The following ALDH3A2 variants were observed in gnomAD, a reference collection of about 807,000 sequenced individuals.
The protein encoded by ALDH3A2 is aldehyde dehydrogenase family 3 member A2.
Under a neutral mutation model 51.3 loss-of-function variants are expected in ALDH3A2, and 36 were observed. That is an observed-to-expected ratio of 0.70 (90% CI 0.54 to 0.93). The LOEUF (loss-of-function observed/expected upper bound fraction) is 0.93. Ranked by LOEUF, ALDH3A2 falls within the 40% of genes least tolerant of loss-of-function variation. ALDH3A2 has a pLI of 0.00. For missense variants in ALDH3A2, 552 were observed against 603.1 expected, an observed-to-expected ratio of 0.92 and a Z score of 0.89; for synonymous variants, 199 against 219.8, an observed-to-expected ratio of 0.91 and a Z score of 0.84.
chr17:19,665,175 T>C, intron 8 of ALDH3A2, 128 bp downstream of exon 8: 1 of 690,158 alleles, frequency 1.4e-6, no homozygotes, highest in Non-Finnish European at 2.3e-6. Context: ...AGGGAGACCT[T>C]TTCCTGGTCA....
Position 19,665,025 on chromosome 17 carries a change from C to G in ALDH3A2, c.1185C>G (p.Asn395Lys). The G allele has an allele frequency of 7.4e-6, 12 of 1,614,024 alleles. No individual in the cohort carries two copies. The highest frequency in any genetic ancestry group is 1.0e-5 in the Non-Finnish European group (12 of 1,179,898). ...GNDVIMHFTL[N>K]SFPFGGVGSS... Reference sequence around the variant, plus strand: ...ACGTCATTATGCACTTCACGCTCAACTCTTTCCCATTTGGAGGAGTGGGTG... The same window carrying G: ...ACGTCATTATGCACTTCACGCTCAAGTCTTTCCCATTTGGAGGAGTGGGTG... The change falls in exon 8 of 10, where the codon AAC becomes AAG. Residue 395 changes from asparagine (N) to lysine (K), a missense_variant. Physicochemically the swap from Asn to Lys is moderately conservative, Grantham distance 94. Transcript: ENST00000176643.
chr17:19,657,941 A>G lies in ALDH3A2; in HGVS notation c.798+79A>G, dbSNP rs576881049. ...TTAACTATTCGCAGGCAGCATCCCC[A>G]TTTGTTTCTCCCTTCAGGAAAATTT... On this transcript the variant is annotated intron_variant, in intron 5 of 9. Coordinates refer to ENST00000176643, the MANE Select transcript of ALDH3A2 (RefSeq NM_000382.3). 5.2e-6 allele frequency: 6 copies of G among 1,163,554 alleles called. No homozygotes were observed. The East Asian group carries it at 1.2e-4, about 24-fold the overall frequency. The allele number at this position is 1,163,554 out of a possible 1,614,324, so 72.1% of individuals were successfully genotyped here.
At chr17:19,671,675 G>T in intron 8 of ALDH3A2, 46 bp from the exon 9 acceptor site, 1 of 1,525,496 alleles carries the variant, frequency 6.6e-7, no homozygotes, top group Non-Finnish European at 9.1e-7. Context: ...GAAGTAGCTT[G>T]CATCATCTAC....
rs188396842 is a variant in ALDH3A2, at chr17:19,669,772, T to C, written c.1208-1949T>C. The stretch of plus-strand genomic sequence containing the variant: ...GCCTCAGCCTCCTGAATAGCTGGGA[T>C]TACAAGGGTGCACCACCATGCCTGG... On this transcript the variant is annotated intron_variant, in intron 8 of 9. Coordinates refer to ENST00000176643, the MANE Select transcript of ALDH3A2 (RefSeq NM_000382.3). Among the ~76,000 whole-genome samples the C allele has an allele frequency of 8.8e-3, 1,342 of 152,166 alleles. 43 individuals carry two copies. The highest frequency in any genetic ancestry group is 6.6e-3 in the Non-Finnish European group (451 of 68,012).
intron 9 of ALDH3A2, chr17:19,673,352 T>G (rs1451744974): frequency 1.5e-6 from 2 of 1,372,052 alleles, no homozygotes; most frequent in African/African-American, 3.6e-5. Context: ...TTTGGTTTGT[T>G]TTTGTTTTTG....
Position 19,654,804 on chromosome 17 carries a change from A to G in ALDH3A2, c.472-1562A>G, listed in dbSNP as rs2084872995. On this transcript the variant is annotated intron_variant, in intron 3 of 9. Transcript: ENST00000176643. The surrounding 1 kb of genome is among the most constrained non-coding windows in gnomAD (Gnocchi z 4.5). Reference sequence around the variant, plus strand: ...GCTGAAGGGCTCCTCAAGCGTGGCGAGAGTGGGTGCCAAGGCCAAGGAGGT... The same window carrying G: ...GCTGAAGGGCTCCTCAAGCGTGGCGGGAGTGGGTGCCAAGGCCAAGGAGGT... 6.6e-6 allele frequency among the ~76,000 whole-genome samples: 1 copy of G among 152,136 alleles called. No individual in the cohort carries two copies. Among genetic ancestry groups the G allele is most frequent in the African/African-American group, 2.4e-5 (1 of 41,438 alleles).
At chr17:19,673,288 TG>T (rs1329170466) in intron 9 of ALDH3A2, 1 of 1,613,622 alleles carries the variant, frequency 6.2e-7, no homozygotes, top group East Asian at 2.2e-5. Flanking sequence ...AGGAACTTTT[TG>T]TTTTCTTTCT....
chr17:19,661,163 T>A lies in ALDH3A2; in HGVS notation c.835T>A (p.Tyr279Asn), dbSNP rs72547570. Residue 279 changes from tyrosine (Y) to asparagine (N), a missense_variant, in exon 6 of 10, where the codon TAT becomes AAT. Transcript: ENST00000176643. The part of the protein sequence containing the change: ...YGENIKESPD[Y>N]ERIINLRHFK... ...AGAAAATATAAAAGAGTCTCCTGAT[T>A]ATGAAAGGATCATCAATCTTCGTCA... The A allele has an allele frequency of 2.5e-6, 4 of 1,612,794 alleles. No individual in the cohort carries two copies. Among genetic ancestry groups the A allele is most frequent in the Non-Finnish European group, 3.4e-6 (4 of 1,178,782 alleles).
At chr17:19,664,037 A>G (rs1407522195) in intron 7 of ALDH3A2, among the ~76,000 whole-genome samples, 1 of 152,200 alleles carries the variant, frequency 6.6e-6, no homozygotes, top group African/African-American at 2.4e-5. Context: ...TCATGTCACT[A>G]GGTGACCAGC....
chr17:19,659,206 G>C (rs2084936059), intron 5 of ALDH3A2, among the ~76,000 whole-genome samples: 1 of 152,124 alleles, frequency 6.6e-6, no homozygotes, highest in Non-Finnish European at 1.5e-5. Context: ...ACTCCAGCCT[G>C]GGTAACGGAA....
rs1034389336 is a variant in ALDH3A2, at chr17:19,676,984, T to C, written c.*1412T>C. 1.3e-5 allele frequency: 2 copies of C among 152,176 alleles called. No individual in the cohort carries two copies. Among genetic ancestry groups the C allele is most frequent in the African/African-American group, 4.8e-5 (2 of 41,428 alleles). The allele number at this position is 152,176 out of a possible 1,614,324, so 9.4% of individuals were successfully genotyped here. A position where few individuals can be genotyped will look rare whatever the true frequency, so the allele number is the denominator to read the frequency against. ...CTGCGGTTGGTCATACTGAAGGGAA[T>C]TGATGGCAAGAGGATCCCCTGAGCA... is the stretch of plus-strand genomic sequence containing the variant. On this transcript the variant is annotated 3_prime_UTR_variant, in exon 10 of 10. Transcript: ENST00000176643.
At chr17:19,666,778 AAAATAAATAAATAAATAAATAAAT>A (rs150864433) in intron 8 of ALDH3A2, among the ~76,000 whole-genome samples, 2 of 143,864 alleles carry the variant, frequency 1.4e-5, no homozygotes, top group African/African-American at 5.1e-5. Flanking sequence ...CTCCGATCTC[AAAATAAATAAATAAATAAATAAAT>A]AAATAAATAA....
At chr17:19,669,467 G>A (rs868670257) in intron 8 of ALDH3A2, among the ~76,000 whole-genome samples, 20 of 151,960 alleles carry the variant, frequency 1.3e-4, no homozygotes, top group African/African-American at 4.6e-4. Context: ...AACACGTTTG[G>A]GTCATTCTTA....
chr17:19,650,671 T>C (rs1043052689), intron 1 of ALDH3A2, among the ~76,000 whole-genome samples: 3 of 151,860 alleles, frequency 2.0e-5, no homozygotes, highest in African/African-American at 7.3e-5. Flanking sequence ...GCCAGGATGG[T>C]CTCCATCTCC....
In ALDH3A2 at chr17:19,657,835, T is replaced by G. The variant is rs1337456617; in HGVS notation, c.771T>G (p.Ile257Met). The G allele has an allele frequency of 2.5e-6, 4 of 1,611,740 alleles. No individual in the cohort carries two copies. Among genetic ancestry groups the G allele is most frequent in the Non-Finnish European group, 3.4e-6 (4 of 1,177,980 alleles). Residue 257 changes from isoleucine to methionine, a missense_variant, in exon 5 of 10, where the codon ATT becomes ATG. Ile to Met is a conservative substitution (Grantham distance 10). Transcript: ENST00000176643. ...ILCEASLQNQ[I>M]VWKIKETVKE... The stretch of plus-strand genomic sequence containing the variant: ...GTGAAGCATCCCTCCAAAATCAAAT[T>G]GTATGGAAGATTAAGGAAACAGTGA...
Position 19,677,087 on chromosome 17 carries a change from G to T in ALDH3A2, c.*1515G>T, listed in dbSNP as rs1475924394. 1.3e-5 allele frequency: 2 copies of T among 152,296 alleles called. No homozygotes were observed. Among genetic ancestry groups the T allele is most frequent in the African/African-American group, 4.8e-5 (2 of 41,456 alleles). The allele number at this position is 152,296 out of a possible 1,614,324, so 9.4% of individuals were successfully genotyped here. On this transcript the variant is annotated 3_prime_UTR_variant, in exon 10 of 10. Transcript: ENST00000176643. ...CTGAGTGGGCAAGGCTGAAGAAGAGGCCTGTGGAATGCAGCATTACCTGCT... is the reference window on the plus strand; with the variant it reads ...CTGAGTGGGCAAGGCTGAAGAAGAGTCCTGTGGAATGCAGCATTACCTGCT...
chr17:19,669,290 G>A (rs1336829158), intron 8 of ALDH3A2, among the ~76,000 whole-genome samples: 1 of 152,028 alleles, frequency 6.6e-6, no homozygotes, highest in Non-Finnish European at 1.5e-5. Flanking sequence ...GCAACAGAGC[G>A]AGACTCCATC....
intron 1 of ALDH3A2, 73 bp downstream of exon 1, chr17:19,649,197 G>C: frequency 6.6e-7 from 1 of 1,516,580 alleles, no homozygotes; most frequent in Non-Finnish European, 8.9e-7. Context: ...CTTCGGCTGG[G>C]TTTTGTTTTT....
At chr17:19,673,635 T>C (rs1664181087) in intron 9 of ALDH3A2, among the ~76,000 whole-genome samples, 2 of 152,070 alleles carry the variant, frequency 1.3e-5, no homozygotes, top group African/African-American at 4.8e-5. Context: ...GGAGAATTGC[T>C]TTAACCCGGG....
Sources: gnomAD v4.1 joint callset for allele counts (sites outside exome capture counted in the v4.1 genomes callset) on GRCh38, gnomAD v4.1.1 for gene constraint, Gnocchi (gnomAD v3.1) non-coding constraint, MANE v1.5 for transcripts, NCBI Gene and HGNC (gene_info 2026-07-23, HGNC 2026-07-21) for gene names.